Variants in TNR observed in about 807,000 individuals in gnomAD.
The protein encoded by TNR is tenascin-R.
In TNR, 45 loss-of-function variants were observed where a neutral mutation model predicts 150.4. That is an observed-to-expected ratio of 0.30 (90% CI 0.24 to 0.38). The LOEUF is 0.38. Among genes scored for constraint, TNR ranks in the 10% least tolerant of loss-of-function variants. The probability of loss-of-function intolerance (pLI) is 1.00; values close to 1 mark genes in which losing one functional copy is unlikely to be tolerated. For missense variants in TNR, 1,544 were observed against 1,759.1 expected (o/e 0.88, Z 2.19); for synonymous variants, 687 against 678.4 (o/e 1.01, Z -0.20).
chr1:175,498,940 T>C (rs1658603904), intron 2 of TNR, among the ~76,000 whole-genome samples: 1 of 152,230 alleles, frequency 6.6e-6, no homozygotes, highest in Non-Finnish European at 1.5e-5. Context: ...CTTCTGTTGC[T>C]CATATTCAGG....
rs752902192 is a variant in TNR at position 175,356,453 on chromosome 1, T to C, written c.2984A>G (p.Glu995Gly). ...IVLTHFAVAG[E>G]TILVDGVSEE... ...ACTGACTCCGTCAACAAGGATGGTC[T>C]CTCCAGCGACTGAACTCAAATGAAT... Residue 995 changes from glutamate to glycine, a missense_variant, in exon 16 of 23, where the codon GAG (glutamate) becomes GGG (glycine). Around this residue, in one of 2 missense-constraint regions of TNR, gnomAD observed 1,254 missense variants for 1,329.4 expected, o/e 0.94. Coordinates refer to ENST00000367674, the MANE Select transcript of TNR (RefSeq NM_003285.3). 6.2e-7 allele frequency: 1 copy of C among 1,613,870 alleles called. No homozygotes were observed. The highest frequency in any genetic ancestry group is 1.7e-5 in the Admixed American group (1 of 60,008).
rs1048204661 is a variant in TNR at position 175,599,744 on chromosome 1, T to C, written c.-164-71375A>G. Among the ~76,000 whole-genome samples, 13 of 152,238 alleles carry C rather than the reference T, an allele frequency of 8.5e-5. No individual in the cohort carries two copies. Among genetic ancestry groups the C allele is most frequent in the Admixed American group, 7.9e-4 (12 of 15,286 alleles). ...CAGCCCAGGCTTTTCGTGAGACCCA[T>C]TGGCGGGTTCCCTGCCACCAATATG... On this transcript the variant is annotated intron_variant, in intron 1 of 22. Transcript: ENST00000367674. This position sits in a 1 kb window ranked among gnomAD's most constrained non-coding sequence, Gnocchi z 4.7.
intron 2 of TNR, among the ~76,000 whole-genome samples, chr1:175,467,822 T>G (rs1657098958): frequency 6.6e-6 from 1 of 152,242 alleles, no homozygotes; most frequent in Middle Eastern, 3.4e-3. Flanking sequence ...TTTATTGAAT[T>G]TTGAACTCCA....
intron 2 of TNR, among the ~76,000 whole-genome samples, chr1:175,497,921 G>A (rs1431744219): frequency 2.6e-5 from 4 of 152,034 alleles, no homozygotes; most frequent in African/African-American, 4.8e-5. Context: ...TTAGCTGGGC[G>A]TGGTGGTGTG....
chr1:175,502,143 T>C (rs1380038466), intron 2 of TNR, among the ~76,000 whole-genome samples: 3 of 152,150 alleles, frequency 2.0e-5, no homozygotes, highest in Non-Finnish European at 4.4e-5. Context: ...AGGTCCCACC[T>C]CAGACTCATT....
At chr1:175,544,381 T>G (rs1181903710) in intron 1 of TNR, among the ~76,000 whole-genome samples, 1 of 152,202 alleles carries the variant, frequency 6.6e-6, no homozygotes, top group Non-Finnish European at 1.5e-5. Flanking sequence ...GAATGAATTA[T>G]AGTTGACTCA....
intron 1 of TNR, among the ~76,000 whole-genome samples, chr1:175,619,579 G>C (rs925563647): frequency 3.3e-5 from 5 of 152,194 alleles, no homozygotes; most frequent in Non-Finnish European, 7.3e-5. Flanking sequence ...TGAAAAAAGA[G>C]TAAACCAATA....
intron 1 of TNR, among the ~76,000 whole-genome samples, chr1:175,732,224 G>T (rs902168957): frequency 4.6e-5 from 7 of 152,192 alleles, no homozygotes; most frequent in African/African-American, 1.7e-4. Flanking sequence ...CATCATTTCA[G>T]AATCCATTTT....
intron 2 of TNR, among the ~76,000 whole-genome samples, chr1:175,467,088 A>T (rs1657067951): frequency 6.6e-6 from 1 of 152,066 alleles, no homozygotes; most frequent in South Asian, 2.1e-4. Context: ...ATTAAATGTG[A>T]TTTATGACTT....
chr1:175,667,701 G>T (rs1489086912), intron 1 of TNR, among the ~76,000 whole-genome samples: 2 of 152,224 alleles, frequency 1.3e-5, no homozygotes, highest in Non-Finnish European at 2.9e-5. Context: ...ACAGGGAGCT[G>T]CAGATCCTGC....
chr1:175,473,362 T>C (rs1657379409), intron 2 of TNR, among the ~76,000 whole-genome samples: 1 of 152,194 alleles, frequency 6.6e-6, no homozygotes, highest in Admixed American at 6.5e-5. Context: ...AGAGATGCTC[T>C]CGGACATCAT....
chr1:175,585,541 G>A (rs1307536153), intron 1 of TNR, among the ~76,000 whole-genome samples: 1 of 152,172 alleles, frequency 6.6e-6, no homozygotes, highest in East Asian at 1.9e-4. Context: ...TAGATCTTAA[G>A]TCTCAGAGCT....
At chr1:175,336,522 C>T (rs750412211) in intron 19 of TNR, among the ~76,000 whole-genome samples, 5 of 152,218 alleles carry the variant, frequency 3.3e-5, no homozygotes, top group East Asian at 1.9e-4. Context: ...CATCCTAAAG[C>T]GATCCAGCTA....
intron 1 of TNR, among the ~76,000 whole-genome samples, chr1:175,721,541 G>A (rs984740757): frequency 6.6e-5 from 10 of 152,066 alleles, no homozygotes; most frequent in East Asian, 1.9e-4. Flanking sequence ...CTTGAAACCC[G>A]TTAGCTGTAA....
At chr1:175,377,379 T>C (rs1652444681) in intron 9 of TNR, among the ~76,000 whole-genome samples, 1 of 152,008 alleles carries the variant, frequency 6.6e-6, no homozygotes, top group African/African-American at 2.4e-5. Flanking sequence ...TTTATATAAC[T>C]GCTAATTACC....
chr1:175,619,766 G>A (rs938129077), intron 1 of TNR, among the ~76,000 whole-genome samples: 2 of 152,138 alleles, frequency 1.3e-5, no homozygotes, highest in African/African-American at 4.8e-5. Context: ...TCAGGAAATT[G>A]GTAGTAATCA....
intron 2 of TNR, among the ~76,000 whole-genome samples, chr1:175,445,929 G>A (rs73042492): frequency 3.3e-5 from 5 of 152,274 alleles, no homozygotes; most frequent in African/African-American, 9.6e-5. Context: ...TGTTCTGGAC[G>A]ATATAATTTC....
rs187498144 is a variant in TNR at position 175,508,375 on chromosome 1, C to T, written c.-64+19894G>A. On this transcript the variant is annotated intron_variant, in intron 2 of 22. Coordinates refer to ENST00000367674, the MANE Select transcript of TNR (RefSeq NM_003285.3). ...GGTGAGCAGCCTTTGGGATGGTCCC[C>T]AGTCATGCCACCTCCTGGTATTCAC... Among the ~76,000 whole-genome samples the T allele has an allele frequency of 3.2e-3, 482 of 152,320 alleles. 1 individual carries two copies. Among genetic ancestry groups the T allele is most frequent in the African/African-American group, 0.011 (459 of 41,564 alleles).
At chr1:175,420,739 C>G (rs1339806372) in intron 2 of TNR, among the ~76,000 whole-genome samples, 2 of 152,112 alleles carry the variant, frequency 1.3e-5, no homozygotes, top group Non-Finnish European at 2.9e-5. Flanking sequence ...GCGTATTGCT[C>G]CACTTTACAG....
Sources: gnomAD v4.1 joint callset for allele counts (sites outside exome capture counted in the v4.1 genomes callset) on GRCh38, gnomAD v4.1.1 for gene constraint, gnomAD v4.1.1 regional missense constraint, Gnocchi (gnomAD v3.1) non-coding constraint, MANE v1.5 for transcripts, NCBI Gene and HGNC (gene_info 2026-07-23, HGNC 2026-07-21) for gene names.